Variants in TLN2 observed in about 807,000 individuals in gnomAD.
TLN2 encodes talin 2.
A neutral mutation model predicts 294.7 loss-of-function variants in TLN2; 118 were observed. That is an observed-to-expected ratio of 0.40 (90% confidence interval 0.34 to 0.47). The LOEUF (loss-of-function observed/expected upper bound fraction) is 0.47. TLN2 is among the 20% of genes least tolerant of loss of function. The pLI is 0.84. For synonymous variants in TLN2, 1,431 were observed against 1,304.5 expected, an observed-to-expected ratio of 1.10 and a Z score of -2.09; for missense variants, 3,083 against 3,282.2, an observed-to-expected ratio of 0.94 and a Z score of 1.48.
intron 1 of TLN2, among the ~76,000 whole-genome samples, chr15:62,494,618 C>T (rs976178729): frequency 1.4e-4 from 21 of 152,086 alleles, no homozygotes; most frequent in South Asian, 2.1e-4. Context: ...TTCCCTCCCC[C>T]GTGCTTTAGT....
chr15:62,729,873 A>G (rs540637823), intron 28 of TLN2, among the ~76,000 whole-genome samples: 15 of 150,886 alleles, frequency 9.9e-5, no homozygotes, highest in African/African-American at 3.4e-4. Flanking sequence ...TTCAAATTCT[A>G]TTTCCTTCCT....
At chr15:62,561,649 A>C (rs2042967070) in intron 1 of TLN2, among the ~76,000 whole-genome samples, 1 of 152,120 alleles carries the variant, frequency 6.6e-6, no homozygotes, top group African/African-American at 2.4e-5. Flanking sequence ...GAGTTGAGGA[A>C]AGTCTGTCTC....
intron 1 of TLN2, among the ~76,000 whole-genome samples, chr15:62,565,941 T>TGTGTGTG (rs1249855624): frequency 6.7e-6 from 1 of 148,968 alleles, no homozygotes; most frequent in African/African-American, 2.5e-5. Flanking sequence ...TGTGTGTGTG[T>TGTGTGTG]TTTACCTCTT....
intron 1 of TLN2, among the ~76,000 whole-genome samples, chr15:62,424,776 C>T (rs190523007): frequency 8.5e-4 from 129 of 152,138 alleles, no homozygotes; most frequent in Non-Finnish European, 1.6e-3. Context: ...CCTCAGCCTC[C>T]TGAGTAGCAG....
At chr15:62,571,669 T>TGAAA (rs1454508319) in intron 1 of TLN2, among the ~76,000 whole-genome samples, 2 of 152,184 alleles carry the variant, frequency 1.3e-5, no homozygotes, top group African/African-American at 4.8e-5. Flanking sequence ...TGTACCAGCT[T>TGAAA]ATCTCCAATT....
chr15:62,664,058 C>T lies in TLN2; in HGVS notation c.788+6160C>T, dbSNP rs547105351. Among the ~76,000 whole-genome samples the T allele has an allele frequency of 7.6e-4, 115 of 151,986 alleles. 3 individuals are homozygous for T. Among genetic ancestry groups the T allele is most frequent in the African/African-American group, 2.7e-3 (112 of 41,320 alleles). ...AGTAATTAAAACACTACATTAGTAT[C>T]ATAAGGTGATATAGTAATTCAAAAG... On this transcript the variant is annotated intron_variant, in intron 9 of 58. Coordinates refer to ENST00000636159, the MANE Select transcript of TLN2 (RefSeq NM_015059.3).
chr15:62,681,501 A>G (rs1201629893), intron 11 of TLN2, among the ~76,000 whole-genome samples: 1 of 152,182 alleles, frequency 6.6e-6, no homozygotes, highest in African/African-American at 2.4e-5. Flanking sequence ...TATGTCTATG[A>G]ACATTTTGTC....
intron 31 of TLN2, 52 bp downstream of exon 31, chr15:62,739,597 G>T (rs774939984): frequency 6.3e-7 from 1 of 1,595,826 alleles, no homozygotes; most frequent in African/African-American, 1.3e-5. Context: ...CCTCTCGGAT[G>T]GATAATCCAT....
chr15:62,698,979 AC>A, intron 16 of TLN2, 112 bp downstream of exon 16: 2 of 1,030,128 alleles, frequency 1.9e-6, no homozygotes, highest in Non-Finnish European at 2.9e-6. Context: ...TGAAATGGAA[AC>A]CCATGATTTT....
chr15:62,784,023 A>G (rs1051493251), intron 45 of TLN2, 133 bp downstream of exon 45: 1 of 1,450,214 alleles, frequency 6.9e-7, no homozygotes, highest in Non-Finnish European at 9.4e-7. Context: ...TTTCCCCACC[A>G]CTGCACAGCA....
At chr15:62,483,991 G>A (rs994461977) in intron 1 of TLN2, among the ~76,000 whole-genome samples, 1 of 152,196 alleles carries the variant, frequency 6.6e-6, no homozygotes, top group African/African-American at 2.4e-5. Flanking sequence ...GTAGGGAGGA[G>A]GTGAGCCTTG....
intron 45 of TLN2, among the ~76,000 whole-genome samples, chr15:62,788,747 G>A (rs112812198): frequency 0.019 from 2,914 of 152,250 alleles, 27 homozygotes; most frequent in Middle Eastern, 0.027. Flanking sequence ...CAGGTTAGTC[G>A]GGCATCACAA....
At chr15:62,679,365 C>A (rs1332706051) in intron 11 of TLN2, among the ~76,000 whole-genome samples, 1 of 152,180 alleles carries the variant, frequency 6.6e-6, no homozygotes, top group East Asian at 1.9e-4. Flanking sequence ...AGAAACAACA[C>A]AACGCATCAC....
chr15:62,763,477 C>T (rs989363021), intron 39 of TLN2, 86 bp from the exon 40 acceptor site: 2 of 1,494,408 alleles, frequency 1.3e-6, no homozygotes, highest in Non-Finnish European at 8.9e-7. Context: ...AGGAAGTGGA[C>T]AGGGATCCTG....
At chr15:62,418,361 C>T (rs914016058) in intron 1 of TLN2, among the ~76,000 whole-genome samples, 3 of 152,156 alleles carry the variant, frequency 2.0e-5, no homozygotes, top group Non-Finnish European at 4.4e-5. Flanking sequence ...CTTTGAGTTG[C>T]TCTTATAGCT....
chr15:62,682,520 A>C (rs1470940756), intron 11 of TLN2, among the ~76,000 whole-genome samples: 1 of 152,198 alleles, frequency 6.6e-6, no homozygotes, highest in Non-Finnish European at 1.5e-5. Flanking sequence ...CGGCTTTGCC[A>C]CTTAGTAGTT....
At position 62,843,721 on chromosome 15, in the gene TLN2, C is replaced by T. The variant is rs2070933923; in HGVS notation, c.*3111C>T. 2.6e-5 allele frequency: 4 copies of T among 152,310 alleles called. No individual in the cohort carries two copies. In the South Asian group the frequency reaches 8.3e-4, roughly 32 times the overall value. 9.4% of individuals were successfully genotyped at this position (152,310 alleles called of 1,614,324 possible). A position where few individuals can be genotyped will look rare whatever the true frequency, so the allele number is the denominator to read the frequency against. On this transcript the variant is annotated 3_prime_UTR_variant, in exon 59 of 59. Coordinates refer to ENST00000636159, the MANE Select transcript of TLN2 (RefSeq NM_015059.3). The stretch of plus-strand genomic sequence containing the variant: ...TCAAAAAATTATAACCAAAATTCAC[C>T]ATAGCCTAAGAGAGTAAACCCCACC...
chr15:62,501,860 G>T (rs1183062666), intron 1 of TLN2, among the ~76,000 whole-genome samples: 6 of 152,138 alleles, frequency 3.9e-5, no homozygotes, highest in Admixed American at 3.3e-4. Flanking sequence ...TGATTTTTGA[G>T]ATGATTATTT....
At chr15:62,404,545 C>G (rs1235815257) in intron 1 of TLN2, among the ~76,000 whole-genome samples, 1 of 152,192 alleles carries the variant, frequency 6.6e-6, no homozygotes, top group Non-Finnish European at 1.5e-5. Context: ...ATCCCCAAAG[C>G]ATTCTCGTCC....
Sources: gnomAD v4.1 joint callset for allele counts (sites outside exome capture counted in the v4.1 genomes callset) on GRCh38, gnomAD v4.1.1 for gene constraint, MANE v1.5 for transcripts, NCBI Gene and HGNC (gene_info 2026-07-23, HGNC 2026-07-21) for gene names.